COL18A1: variants seen among roughly 807,000 people sequenced by gnomAD.
COL18A1 encodes the protein collagen alpha-1(XVIII) chain.
Under a neutral mutation model 168.0 loss-of-function variants are expected in COL18A1, and 133 were observed. The ratio of observed to expected loss-of-function variants is 0.79; its 90% CI spans 0.69 to 0.91. The LOEUF (loss-of-function observed/expected upper bound fraction) is 0.91, where lower values mean the gene tolerates loss of function less well. Among genes scored for constraint, COL18A1 ranks in the 40% least tolerant of loss-of-function variants. The pLI is 0.00. For missense variants in COL18A1, 2,126 were observed against 1,925.4 expected, an observed-to-expected ratio of 1.10 and a Z score of -1.95; for synonymous variants, 949 against 809.0, an observed-to-expected ratio of 1.17 and a Z score of -2.94.
At chr21:45,437,527 GAC>G (rs1295417583) in intron 2 of COL18A1, among the ~76,000 whole-genome samples, 2 of 1,298 alleles carry the variant, frequency 1.5e-3, no homozygotes, top group Admixed American at 0.01. Context: ...CACACACTCA[GAC>G]ACACAGGCAC....
intron 2 of COL18A1, among the ~76,000 whole-genome samples, chr21:45,411,762 G>T (rs1252410194): frequency 7.3e-6 from 1 of 137,642 alleles, no homozygotes; most frequent in Non-Finnish European, 1.6e-5. Flanking sequence ...CTGATGGCGG[G>T]GGGTGGGGGG....
chr21:45,457,994 C>A lies in COL18A1; in HGVS notation c.107-10248C>A, dbSNP rs1338494218. ...CAGCAAAGCCCAGAGCCTCTGCAGA[C>A]CCTGTGTGGGGCCTGGGGAGTGGCC... On this transcript the variant is annotated intron_variant, in intron 2 of 41. Transcript: ENST00000651438. The surrounding 1 kb of genome is among the most constrained non-coding windows in gnomAD (Gnocchi z 4.6). 1.3e-5 allele frequency among the ~76,000 whole-genome samples: 2 copies of A among 152,204 alleles called. No individual in the cohort carries two copies. Among genetic ancestry groups the A allele is most frequent in the Admixed American group, 6.5e-5 (1 of 15,302 alleles).
rs1454792704 is a variant in COL18A1 at position 45,473,785 on chromosome 21, G to C, written c.652-110G>C. On this transcript the variant is annotated intron_variant, in intron 3 of 41. Coordinates refer to ENST00000651438, the MANE Select transcript of COL18A1 (RefSeq NM_001379500.1). The surrounding 1 kb of genome is among the most constrained non-coding windows in gnomAD (Gnocchi z 4.0). ...GCTGCCCGAGACCCCTTCCCTCTCC[G>C]AGACTCTCCTGCCCTTTGTGGGCCC... is the stretch of plus-strand genomic sequence containing the variant. The C allele has an allele frequency of 1.1e-6, 1 of 902,230 alleles. No homozygotes were observed. The highest frequency in any genetic ancestry group is 1.6e-5 in the African/African-American group (1 of 60,760). 55.9% of individuals were successfully genotyped at this position (902,230 alleles called of 1,614,324 possible).
intron 41 of COL18A1, 22 bp downstream of exon 41, chr21:45,511,248 A>C: frequency 7.6e-7 from 1 of 1,322,610 alleles, no homozygotes. Context: ...GTGCCGTGTG[A>C]GCAGCTCTGA....
Position 45,490,305 on chromosome 21 carries a change from T to A in COL18A1, c.1990T>A (p.Phe664Ile). The change falls in exon 20 of 42, where the codon TTC (phenylalanine) becomes ATC (isoleucine). Residue 664 changes from phenylalanine to isoleucine, a missense_variant. By Grantham distance (21) the Phe-to-Ile change is conservative (BLOSUM62 0). Transcript: ENST00000651438. ...GEVGADGVPG[F>I]PGLPGREGIA... ...AGTTGGAGCAGATGGAGTCCCCGGG[T>A]TCCCCGGCCTCCCTGGCAGAGAGGG... is the stretch of plus-strand genomic sequence containing the variant. 8 of 1,582,284 alleles carry A rather than the reference T, an allele frequency of 5.1e-6. No homozygotes were observed. Among genetic ancestry groups the A allele is most frequent in the Non-Finnish European group, 6.9e-6 (8 of 1,163,530 alleles).
rs1037611610 is a variant in COL18A1 at position 45,505,082 on chromosome 21, C to T, written c.2869-52C>T. 9 of 1,588,758 alleles carry T rather than the reference C, an allele frequency of 5.7e-6. No homozygotes were observed. In the African/African-American group the frequency reaches 1.2e-4, roughly 21 times the overall value. ...CTGCAGCCCCACAAGCTTGCCCGCCCCCAGTCCAGGGCACGAGGTAACCAG... is the reference window on the plus strand; with the variant it reads ...CTGCAGCCCCACAAGCTTGCCCGCCTCCAGTCCAGGGCACGAGGTAACCAG... On this transcript the variant is annotated intron_variant, in intron 34 of 41. Coordinates refer to ENST00000651438, the MANE Select transcript of COL18A1 (RefSeq NM_001379500.1).
chr21:45,455,839 AG>A (rs1568879951), intron 2 of COL18A1: 2 of 1,613,158 alleles, frequency 1.2e-6, no homozygotes, highest in East Asian at 4.5e-5. Flanking sequence ...CGGACGCGCC[AG>A]AGGAGAACAT....
rs946309909 is a variant in COL18A1 at position 45,411,683 on chromosome 21, G to A, written c.106+6210G>A. ...TCATAGGGAACAGTGCACCCTTATC[G>A]CTGACACAGGCGAGGGCTTCGTCTT... is the stretch of plus-strand genomic sequence containing the variant. On this transcript the variant is annotated intron_variant, in intron 2 of 41. Coordinates refer to ENST00000651438, the MANE Select transcript of COL18A1 (RefSeq NM_001379500.1). Among the ~76,000 whole-genome samples the A allele has an allele frequency of 1.4e-4, 21 of 150,586 alleles. No homozygotes were observed. In the East Asian group the frequency reaches 3.0e-3, roughly 21 times the overall value.
intron 2 of COL18A1, among the ~76,000 whole-genome samples, chr21:45,426,304 C>T (rs1396193300): frequency 2.6e-5 from 4 of 152,172 alleles, no homozygotes; most frequent in Non-Finnish European, 5.9e-5. Context: ...GGGGTTTCAC[C>T]ATGTTGGCCA....
At chr21:45,421,519 A>G (rs1317096318) in intron 2 of COL18A1, 1 of 534,550 alleles carries the variant, frequency 1.9e-6, no homozygotes, top group African/African-American at 1.9e-5. Context: ...GCGGGTCAGC[A>G]GCCCATCCTG....
At position 45,498,258 on chromosome 21, in the gene COL18A1, G is replaced by A. The variant is rs2036609168; in HGVS notation, c.2683+597G>A. The A allele has an allele frequency of 2.8e-6, 2 of 705,614 alleles. No homozygotes were observed. Among genetic ancestry groups the A allele is most frequent in the Non-Finnish European group, 5.2e-6 (2 of 384,692 alleles). The allele number at this position is 705,614 out of a possible 1,614,324, so 43.7% of individuals were successfully genotyped here. A position where few individuals can be genotyped will look rare whatever the true frequency, so the allele number is the denominator to read the frequency against. ...TGGGGGCTGGCAGAGCAGAAGCCCA[G>A]AGAGCCAGGCTAGCCTCGGGCGCCT... On this transcript the variant is annotated intron_variant, in intron 32 of 41. Transcript: ENST00000651438. This position sits in a 1 kb window ranked among gnomAD's most constrained non-coding sequence, Gnocchi z 4.5.
chr21:45,483,088 C>T (rs935502778), intron 15 of COL18A1, among the ~76,000 whole-genome samples: 14 of 152,232 alleles, frequency 9.2e-5, no homozygotes, highest in Admixed American at 7.2e-4. Context: ...AGAGTAGACG[C>T]GCCCTGGAAG....
rs1323252653 is a variant in COL18A1, at chr21:45,504,058, G to A, written c.2727+4G>A. The A allele has an allele frequency of 1.9e-6, 3 of 1,613,486 alleles. No homozygotes were observed. The highest frequency in any genetic ancestry group is 2.5e-6 in the Non-Finnish European group (3 of 1,179,988). ...TCAGTTGGAGGCTGAAATGAAGGTG[G>A]GTGACCTCCCTGTGGGGTTGGGGGC... On this transcript the variant is annotated splice_donor_region_variant and intron_variant, in intron 33 of 41. Transcript: ENST00000651438.
chr21:45,507,224 C>CCCTCCTGT, intron 37 of COL18A1: 1 of 159,276 alleles, frequency 6.3e-6, no homozygotes, highest in Non-Finnish European at 1.1e-5. Context: ...CTGGGAGGGC[C>CCCTCCTGT]GGGTGTTGGG....
Position 45,463,054 on chromosome 21 carries a change from C to T in COL18A1, c.107-5188C>T, listed in dbSNP as rs79805278. On this transcript the variant is annotated intron_variant, in intron 2 of 41. Transcript: ENST00000651438. This position sits in a 1 kb window ranked among gnomAD's most constrained non-coding sequence, Gnocchi z 4.0. ...TACATGCTGCTGTTTTTCAATGTCC[C>T]GTTCTTTCATGTTTGGCTCCCAAAG... Among the ~76,000 whole-genome samples, 4,303 of 152,196 alleles carry T rather than the reference C, an allele frequency of 0.028. 213 individuals carry two copies. Among genetic ancestry groups the T allele is most frequent in the African/African-American group, 0.098 (4,048 of 41,500 alleles).
chr21:45,507,009 G>A (rs1045998753), intron 37 of COL18A1: 9 of 293,330 alleles, frequency 3.1e-5, no homozygotes, highest in South Asian at 1.5e-4. Context: ...AACTTTCAGG[G>A]GCTTTGGTCC....
rs886057136 is a variant in COL18A1, at chr21:45,511,204, G to A, written c.3787G>A (p.Asp1263Asn). The change falls in exon 41 of 42, where the codon GAC (aspartate) becomes AAC (asparagine). Residue 1263 changes from aspartate to asparagine, a missense_variant. By Grantham distance (23) the Asp-to-Asn change is conservative. Transcript: ENST00000651438. ...ACGCATCTTCTCCTTTGACGGCAAG[G>A]ACGTCCTGAGGCACCCCACCTGGTA... ...GARIFSFDGK[D>N]VLRHPTWPQK... 2.5e-6 allele frequency: 4 copies of A among 1,589,204 alleles called. No homozygotes were observed. Among genetic ancestry groups the A allele is most frequent in the Non-Finnish European group, 2.6e-6 (3 of 1,166,260 alleles).
rs767059379 is a variant in COL18A1, at chr21:45,510,194, G to A, written c.3626G>A (p.Arg1209His). 1.6e-5 allele frequency: 26 copies of A among 1,600,080 alleles called. No homozygotes were observed. Among genetic ancestry groups the A allele is most frequent in the South Asian group, 9.0e-5 (8 of 89,188 alleles). Residue 1209 changes from arginine to histidine, a missense_variant, in exon 40 of 42, where the codon CGC becomes CAC. Arg to His is a conservative substitution (Grantham distance 29). Coordinates refer to ENST00000651438, the MANE Select transcript of COL18A1 (RefSeq NM_001379500.1). ...AGTFRAFLSS[R>H]LQDLYSIVRR... ...ACCTTCCGCGCCTTCCTGTCCTCGC[G>A]CCTGCAGGACCTGTACAGCATCGTG...
intron 32 of COL18A1, chr21:45,503,116 T>A (rs961338734): frequency 3.3e-5 from 5 of 152,196 alleles, no homozygotes; most frequent in Admixed American, 3.3e-4. Context: ...AAATGGTATT[T>A]CTAGTTCTAG....
Sources: allele counts gnomAD v4.1 joint callset (sites outside exome capture counted in the v4.1 genomes callset), GRCh38; gene constraint gnomAD v4.1.1; non-coding constraint Gnocchi (gnomAD v3.1); transcripts MANE v1.5; gene names NCBI Gene and HGNC (gene_info 2026-07-23, HGNC 2026-07-21).